TXNRD1: variants seen among roughly 807,000 people sequenced by gnomAD.
TXNRD1 encodes thioredoxin reductase 1, cytoplasmic.
Under a neutral mutation model 80.3 loss-of-function variants are expected in TXNRD1, and 57 were observed. The ratio of observed to expected loss-of-function variants is 0.71; its 90% CI spans 0.57 to 0.89. The LOEUF (loss-of-function observed/expected upper bound fraction) is 0.89. Ranked by LOEUF, TXNRD1 falls within the 40% of genes least tolerant of loss-of-function variation. TXNRD1 has a pLI of 0.00. For missense variants in TXNRD1, 730 were observed against 803.0 expected (o/e 0.91, Z 1.10); for synonymous variants, 291 against 285.2 (o/e 1.02, Z -0.20).
At chr12:104,234,546 G>A (rs896777232) in intron 1 of TXNRD1, among the ~76,000 whole-genome samples, 1 of 148,160 alleles carries the variant, frequency 6.7e-6, no homozygotes, top group East Asian at 2.0e-4. Context: ...ACCCACCTCA[G>A]CCTCCCAAAA....
intron 1 of TXNRD1, among the ~76,000 whole-genome samples, chr12:104,245,665 A>T (rs2032968814): frequency 6.6e-6 from 1 of 151,028 alleles, no homozygotes; most frequent in African/African-American, 2.4e-5. Flanking sequence ...AAAAAAAAAA[A>T]AAAAAGTATG....
chr12:104,339,317 C>T, intron 16 of TXNRD1, 44 bp downstream of exon 16: 2 of 1,610,892 alleles, frequency 1.2e-6, no homozygotes, highest in Non-Finnish European at 1.7e-6. Context: ...TTAAAATGTG[C>T]CACATAGAAG....
intron 1 of TXNRD1, among the ~76,000 whole-genome samples, chr12:104,222,179 A>G (rs10861170): frequency 0.7 from 106,247 of 151,996 alleles, 37,792 homozygotes; most frequent in East Asian, 0.86. Context: ...ATGGTCTGTG[A>G]ATGTGTAGAA....
intron 1 of TXNRD1, among the ~76,000 whole-genome samples, chr12:104,230,212 G>A (rs973543835): frequency 6.6e-6 from 1 of 151,564 alleles, no homozygotes; most frequent in African/African-American, 2.4e-5. Flanking sequence ...GGGACTACAG[G>A]TGCATGCCAC....
At position 104,251,540 on chromosome 12, in the gene TXNRD1, C is replaced by A. The variant is rs2033117216; in HGVS notation, c.105C>A (p.His35Gln). 1.2e-6 allele frequency: 2 copies of A among 1,613,662 alleles called. No individual in the cohort carries two copies. Among genetic ancestry groups the A allele is most frequent in the Non-Finnish European group, 1.7e-6 (2 of 1,179,844 alleles). Residue 35 changes from histidine (H) to glutamine (Q), a missense_variant, in exon 2 of 17, where the codon CAC becomes CAA. His to Gln is a conservative substitution (Grantham distance 24, BLOSUM62 0). Coordinates refer to ENST00000525566, the MANE Select transcript of TXNRD1 (RefSeq NM_001093771.3). ...DGRRRSAKDH[H>Q]PGKTLPENPA... ...CATTACTTCTAGCTAAAGATCATCA[C>A]CCTGGTAAAACTTTGCCAGAGAACC...
intron 1 of TXNRD1, among the ~76,000 whole-genome samples, chr12:104,223,118 TG>T (rs2135675185): frequency 6.6e-6 from 1 of 152,336 alleles, no homozygotes; most frequent in East Asian, 1.9e-4. Flanking sequence ...AGTGTAGCTA[TG>T]GCTGCCTTGA....
At chr12:104,326,460 ATTTTTTTTT>A (rs371884469) in intron 12 of TXNRD1, 37 bp downstream of exon 12, 10 of 539,386 alleles carry the variant, frequency 1.9e-5, no homozygotes, top group Non-Finnish European at 2.7e-5. Context: ...TATTTGTGGG[ATTTTTTTTT>A]TTTTTTTTTT....
chr12:104,304,988 A>T (rs965469081), intron 4 of TXNRD1: 23 of 1,503,374 alleles, frequency 1.5e-5, no homozygotes, highest in Non-Finnish European at 2.0e-5. Flanking sequence ...AGTTAGATGG[A>T]GAGTAAAATG....
In TXNRD1 at chr12:104,315,865, T is replaced by C. The variant is rs1197745685; in HGVS notation, c.699T>C (p.Ser233=). The part of the protein sequence containing the change: ...AALLGQALQD[S]RNYGWKVEET... ...TGTTAGGACAAGCCCTGCAAGACTC[T>C]CGAAATTATGGATGGAAAGTCGAGG... Residue 233 remains serine, a synonymous_variant, in exon 7 of 17, where the codon TCT becomes TCC. Coordinates refer to ENST00000525566, the MANE Select transcript of TXNRD1 (RefSeq NM_001093771.3). 6 of 1,611,896 alleles carry C rather than the reference T, an allele frequency of 3.7e-6. No homozygotes were observed. Among genetic ancestry groups the C allele is most frequent in the Non-Finnish European group, 5.1e-6 (6 of 1,178,682 alleles).
chr12:104,299,627 C>T (rs537457186), intron 4 of TXNRD1, among the ~76,000 whole-genome samples: 2 of 151,928 alleles, frequency 1.3e-5, no homozygotes, highest in East Asian at 1.9e-4. Flanking sequence ...ATTAGCCAGG[C>T]GTGGTGACTC....
chr12:104,295,670 C>A (rs2135761944), intron 4 of TXNRD1, among the ~76,000 whole-genome samples: 1 of 152,332 alleles, frequency 6.6e-6, no homozygotes, highest in East Asian at 1.9e-4. Flanking sequence ...CTTCCTACCA[C>A]AACCCACTTT....
intron 4 of TXNRD1, among the ~76,000 whole-genome samples, chr12:104,310,476 G>A (rs1194603481): frequency 1.3e-5 from 2 of 152,042 alleles, no homozygotes; most frequent in Non-Finnish European, 2.9e-5. Context: ...ACATTTTATT[G>A]TGCTTGTTAA....
chr12:104,283,364 G>T (rs1419447740), intron 3 of TXNRD1, among the ~76,000 whole-genome samples: 1 of 152,000 alleles, frequency 6.6e-6, no homozygotes, highest in African/African-American at 2.4e-5. Flanking sequence ...CGATTCTCCT[G>T]CCTCAACCTC....
At chr12:104,231,815 A>T (rs990010193) in intron 1 of TXNRD1, among the ~76,000 whole-genome samples, 2 of 152,154 alleles carry the variant, frequency 1.3e-5, no homozygotes, top group African/African-American at 4.8e-5. Flanking sequence ...TTTTTACGTT[A>T]CCCATCCCTT....
chr12:104,310,236 G>C, intron 4 of TXNRD1: 1 of 998,626 alleles, frequency 1.0e-6, no homozygotes, highest in South Asian at 1.8e-5. Flanking sequence ...TGCAACGTCT[G>C]CCTCCCGGGT....
chr12:104,304,815 G>T, intron 4 of TXNRD1: 1 of 1,614,016 alleles, frequency 6.2e-7, no homozygotes, highest in Non-Finnish European at 8.5e-7. Context: ...ATGGGTGAGG[G>T]AAATGATTCC....
Position 104,215,908 on chromosome 12 carries a change from G to T in TXNRD1, c.91+15G>T. The T allele has an allele frequency of 6.5e-7, 1 of 1,546,672 alleles. No homozygotes were observed. The highest frequency in any genetic ancestry group is 8.7e-7 in the Non-Finnish European group (1 of 1,143,404). ...CCGTAGGTCAGGTACGACCGAGGGC[G>T]AAGGCCTGGTCCCCAGGTCGACGGG... On this transcript the variant is annotated intron_variant, in intron 1 of 16. Coordinates refer to ENST00000525566, the MANE Select transcript of TXNRD1 (RefSeq NM_001093771.3).
intron 3 of TXNRD1, among the ~76,000 whole-genome samples, chr12:104,278,540 C>T (rs28497653): frequency 0.012 from 1,497 of 126,218 alleles, 23 homozygotes; most frequent in African/African-American, 0.043. Context: ...CTCACTCTGT[C>T]ACCCAGGCTG....
intron 3 of TXNRD1, among the ~76,000 whole-genome samples, chr12:104,267,257 T>TTCTTTCTTTCTTTCTTTCTTTCTTTCTC (rs2033521352): frequency 7.3e-6 from 1 of 136,408 alleles, no homozygotes; most frequent in Non-Finnish European, 1.5e-5. Flanking sequence ...CTTTCTTTCT[T>TTCTTTCTTTCTTTCTTTCTTTCTTTCTC]TCTTTCTTTC....
Sources: allele counts gnomAD v4.1 joint callset (sites outside exome capture counted in the v4.1 genomes callset), GRCh38; gene constraint gnomAD v4.1.1; transcripts MANE v1.5; gene names NCBI Gene and HGNC (gene_info 2026-07-23, HGNC 2026-07-21).